The following CENPW variants were observed in gnomAD, a reference collection of about 807,000 sequenced individuals.
CENPW encodes the protein cancer-up-regulated gene 2 protein.
Under a neutral mutation model 11.1 loss-of-function variants are expected in CENPW, and 3 were observed. That is an observed-to-expected ratio of 0.27 (90% CI 0.12 to 0.70). The LOEUF (loss-of-function observed/expected upper bound fraction) is 0.70, where lower values mean the gene tolerates loss of function less well. CENPW is among the 30% of genes least tolerant of loss of function. The pLI is 0.77. For missense variants in CENPW, 100 were observed against 105.6 expected (o/e 0.95, Z 0.23); for synonymous variants, 38 against 42.0 (o/e 0.91, Z 0.37).
the CENPW span, among the ~76,000 whole-genome samples, chr6:126,455,981 A>G: frequency 6.6e-6 from 1 of 151,004 alleles, no homozygotes; most frequent in Non-Finnish European, 1.5e-5. Context: ...ACAGCCACAA[A>G]AATTAGGAAT....
chr6:126,451,409 T>TGAAACCTG, the CENPW span, among the ~76,000 whole-genome samples: 1 of 151,124 alleles, frequency 6.6e-6, no homozygotes, highest in African/African-American at 2.4e-5. Context: ...ACGTACATCC[T>TGAAACCTG]GAAACCTGGA....
the CENPW span, among the ~76,000 whole-genome samples, chr6:126,384,488 C>G: frequency 1.6e-3 from 246 of 152,220 alleles, 1 homozygote; most frequent in African/African-American, 5.7e-3. Context: ...CTACAACCAT[C>G]TGATCTTCAA....
the CENPW span, among the ~76,000 whole-genome samples, chr6:126,457,519 A>G: frequency 6.6e-6 from 1 of 151,414 alleles, no homozygotes; most frequent in Non-Finnish European, 1.5e-5. Context: ...CTGATTACAC[A>G]TGAACACAAA....
At chr6:126,457,363 A>G in the CENPW span, among the ~76,000 whole-genome samples, 1 of 151,594 alleles carries the variant, frequency 6.6e-6, no homozygotes, top group African/African-American at 2.4e-5. Flanking sequence ...CATATACACC[A>G]TAGAATACTA....
At chr6:126,404,585 A>G in the CENPW span, among the ~76,000 whole-genome samples, 1 of 152,112 alleles carries the variant, frequency 6.6e-6, no homozygotes, top group African/African-American at 2.4e-5. Context: ...AGAAACCTCC[A>G]TACTTTTTTC....
the CENPW span, among the ~76,000 whole-genome samples, chr6:126,384,936 A>G: frequency 5.3e-5 from 8 of 152,256 alleles, no homozygotes; most frequent in African/African-American, 1.9e-4. Flanking sequence ...CCCCATTAAA[A>G]AAGTGGAGAG....
chr6:126,447,924 A>G, the CENPW span, among the ~76,000 whole-genome samples: 1 of 151,310 alleles, frequency 6.6e-6, no homozygotes, highest in Non-Finnish European at 1.5e-5. Context: ...TCCTCCGGGC[A>G]TTGACTGAAG....
chr6:126,461,038 T>C, the CENPW span, among the ~76,000 whole-genome samples: 7 of 151,858 alleles, frequency 4.6e-5, no homozygotes, highest in East Asian at 1.9e-4. Context: ...AAGTTATACA[T>C]TGGGGGAGGG....
chr6:126,454,630 C>T, the CENPW span, among the ~76,000 whole-genome samples: 1 of 150,992 alleles, frequency 6.6e-6, no homozygotes, highest in Admixed American at 6.6e-5. Flanking sequence ...AGAAAGATCT[C>T]TAATTAATAA....
the CENPW span, among the ~76,000 whole-genome samples, chr6:126,430,877 G>A: frequency 8.4e-3 from 1,278 of 151,734 alleles, 10 homozygotes; most frequent in Non-Finnish European, 0.013. Flanking sequence ...CCGAGATGGC[G>A]CCACTGCACT....
chr6:126,368,973 GTAT>G, the CENPW span, among the ~76,000 whole-genome samples: 1 of 151,946 alleles, frequency 6.6e-6, no homozygotes, highest in Non-Finnish European at 1.5e-5. Context: ...CTAGTCCATT[GTAT>G]TATTCTTATG....
the CENPW span, among the ~76,000 whole-genome samples, chr6:126,436,521 AT>A: frequency 6.6e-6 from 1 of 151,800 alleles, no homozygotes; most frequent in Non-Finnish European, 1.5e-5. Context: ...TGAGACATTG[AT>A]TGGCATTGCA....
the CENPW span, among the ~76,000 whole-genome samples, chr6:126,370,988 G>A: frequency 6.6e-6 from 1 of 151,914 alleles, no homozygotes; most frequent in African/African-American, 2.4e-5. Flanking sequence ...GGCTGGTCTC[G>A]AACTCCTGAC....
chr6:126,427,552 A>G, the CENPW span, among the ~76,000 whole-genome samples: 1 of 152,208 alleles, frequency 6.6e-6, no homozygotes, highest in Non-Finnish European at 1.5e-5. Flanking sequence ...AACCCTCCTT[A>G]CACTACCTCA....
In CENPW at chr6:126,348,618, T is replaced by G. The variant is rs570446421; in HGVS notation, c.*126T>G. The G allele has an allele frequency of 1.3e-3, 762 of 590,366 alleles. No homozygotes were observed. Among genetic ancestry groups the G allele is most frequent in the Non-Finnish European group, 1.7e-3 (573 of 331,830 alleles). 36.6% of individuals were successfully genotyped at this position (590,366 alleles called of 1,614,324 possible). On this transcript the variant is annotated 3_prime_UTR_variant, in exon 3 of 3. Transcript: ENST00000368328. ...TATTGGCTATAAGTGATGTGTGTGT[T>G]TGTATTTTTTTTCTGGCATGAAATA...
At chr6:126,360,737 T>C in the CENPW span, among the ~76,000 whole-genome samples, 1 of 152,198 alleles carries the variant, frequency 6.6e-6, no homozygotes, top group Non-Finnish European at 1.5e-5. Context: ...TATTGTATTA[T>C]GAAATTTCCA....
At chr6:126,360,343 G>T in the CENPW span, among the ~76,000 whole-genome samples, 9 of 151,998 alleles carry the variant, frequency 5.9e-5, no homozygotes, top group African/African-American at 2.2e-4. Context: ...TTTCTCTCTA[G>T]GTGTGTTTAA....
the CENPW span, among the ~76,000 whole-genome samples, chr6:126,370,925 T>C: frequency 1.3e-5 from 2 of 150,988 alleles, no homozygotes; most frequent in African/African-American, 4.9e-5. Flanking sequence ...GCTAATTTTT[T>C]GTGTGTGTGT....
chr6:126,446,052 C>A, the CENPW span, among the ~76,000 whole-genome samples: 1 of 151,042 alleles, frequency 6.6e-6, no homozygotes, highest in Non-Finnish European at 1.5e-5. Context: ...GATCACAATT[C>A]TTTTCCAAAA....
Sources: allele counts gnomAD v4.1 joint callset (sites outside exome capture counted in the v4.1 genomes callset), GRCh38; gene constraint gnomAD v4.1.1; transcripts MANE v1.5; gene names NCBI Gene and HGNC (gene_info 2026-07-23, HGNC 2026-07-21).